PCDH15: variants seen among roughly 807,000 people sequenced by gnomAD.
The protein encoded by PCDH15 is protocadherin-15.
PCDH15 carries 129 observed loss-of-function variants against 178.5 expected under a neutral mutation model. That is an observed-to-expected ratio of 0.72 (90% CI 0.63 to 0.84). PCDH15 has a LOEUF of 0.84. Ranked by LOEUF, PCDH15 falls within the 40% of genes least tolerant of loss-of-function variation. PCDH15 has a pLI of 0.00. For synonymous variants in PCDH15, 800 were observed against 732.0 expected (o/e 1.09, Z -1.50); for missense variants, 2,230 against 2,099.9 (o/e 1.06, Z -1.21).
At chr10:54,620,404 G>C (rs1317669402) in intron 2 of PCDH15, among the ~76,000 whole-genome samples, 2 of 151,912 alleles carry the variant, frequency 1.3e-5, no homozygotes, top group African/African-American at 4.8e-5. Flanking sequence ...AATATTTCTA[G>C]TCTTATAAAT....
chr10:54,279,459 A>C (rs997066), intron 8 of PCDH15, among the ~76,000 whole-genome samples: 1 of 151,398 alleles, frequency 6.6e-6, no homozygotes, highest in Non-Finnish European at 1.5e-5. Context: ...CTTCAAAAAA[A>C]TGTTCGCTGT....
At chr10:54,390,093 A>T (rs1478754195) in intron 3 of PCDH15, among the ~76,000 whole-genome samples, 1 of 152,212 alleles carries the variant, frequency 6.6e-6, no homozygotes, top group Non-Finnish European at 1.5e-5. Context: ...TAGCCAATCT[A>T]GCAGACTATT....
chr10:54,875,798 T>G (rs2131800237), intron 3 of PCDH15, among the ~76,000 whole-genome samples: 1 of 152,246 alleles, frequency 6.6e-6, no homozygotes, highest in South Asian at 2.1e-4. Flanking sequence ...TTCTTGCGGC[T>G]TAAAGAAAGA....
intron 2 of PCDH15, chr10:55,469,278 T>C (rs539609004): frequency 2.6e-5 from 4 of 152,224 alleles, no homozygotes; most frequent in South Asian, 4.1e-4. Flanking sequence ...TTTTGCCATA[T>C]TTAGGTATTA....
intron 28 of PCDH15, among the ~76,000 whole-genome samples, chr10:53,851,671 A>AATT (rs2078367010): frequency 9.6e-6 from 1 of 104,572 alleles, no homozygotes; most frequent in Middle Eastern, 6.9e-3. Flanking sequence ...TCCTCCTAGA[A>AATT]ATATATATAT....
intron 2 of PCDH15, among the ~76,000 whole-genome samples, chr10:55,144,101 G>A (rs1034165395): frequency 1.3e-5 from 2 of 151,892 alleles, no homozygotes; most frequent in Non-Finnish European, 2.9e-5. Context: ...GTCAGAAGAT[G>A]TTGCTATGTA....
At chr10:55,403,507 A>C (rs1750202556) in intron 2 of PCDH15, among the ~76,000 whole-genome samples, 1 of 151,792 alleles carries the variant, frequency 6.6e-6, no homozygotes, top group African/African-American at 2.4e-5. Context: ...AGTTTTGAGT[A>C]TATTTAATTT....
intron 2 of PCDH15, among the ~76,000 whole-genome samples, chr10:55,052,453 A>G (rs1409243406): frequency 7.0e-6 from 1 of 142,408 alleles, no homozygotes; most frequent in Non-Finnish European, 1.5e-5. Flanking sequence ...TAATCCCAGC[A>G]CTTTGGGAGG....
intron 3 of PCDH15, among the ~76,000 whole-genome samples, chr10:54,890,709 C>A (rs2131815588): frequency 6.6e-6 from 1 of 152,062 alleles, no homozygotes; most frequent in African/African-American, 2.4e-5. Flanking sequence ...TGTCTTTATC[C>A]ATCAAAAATA....
intron 8 of PCDH15, among the ~76,000 whole-genome samples, chr10:54,308,525 A>G (rs1160502891): frequency 1.3e-5 from 2 of 152,028 alleles, no homozygotes; most frequent in Non-Finnish European, 1.5e-5. Context: ...ATTATCTATA[A>G]TTGGTGCTAT....
intron 2 of PCDH15, among the ~76,000 whole-genome samples, chr10:55,041,464 C>T (rs1296406074): frequency 6.6e-6 from 1 of 152,028 alleles, no homozygotes; most frequent in Non-Finnish European, 1.5e-5. Flanking sequence ...GTGTTTAATA[C>T]CCTACTTCCA....
intron 26 of PCDH15, among the ~76,000 whole-genome samples, chr10:53,902,201 T>C (rs1241039716): frequency 1.3e-5 from 2 of 152,192 alleles, no homozygotes; most frequent in Admixed American, 1.3e-4. Context: ...GGACTACTTT[T>C]AGTTAAACTG....
intron 3 of PCDH15, among the ~76,000 whole-genome samples, chr10:54,446,266 A>G (rs541936619): frequency 4.6e-5 from 7 of 151,772 alleles, no homozygotes; most frequent in Middle Eastern, 6.8e-3. Flanking sequence ...ACTATTTGCT[A>G]TATGTTAATA....
chr10:54,646,845 T>C (rs1306539177), intron 2 of PCDH15, among the ~76,000 whole-genome samples: 1 of 151,952 alleles, frequency 6.6e-6, no homozygotes, highest in African/African-American at 2.4e-5. Flanking sequence ...AAAAGACAAG[T>C]GTTGGCAAGG....
chr10:54,347,571 G>T (rs1484279484), intron 5 of PCDH15, among the ~76,000 whole-genome samples: 3 of 151,966 alleles, frequency 2.0e-5, no homozygotes, highest in Admixed American at 6.6e-5. Flanking sequence ...CAAAAAAGTT[G>T]CCTTATTCAG....
At chr10:55,101,936 T>G (rs1182591409) in intron 2 of PCDH15, among the ~76,000 whole-genome samples, 1 of 151,762 alleles carries the variant, frequency 6.6e-6, no homozygotes, top group Non-Finnish European at 1.5e-5. Flanking sequence ...TAGGATATAA[T>G]GTTTTATAAA....
At chr10:55,471,094 T>C (rs1160511499) in intron 2 of PCDH15, among the ~76,000 whole-genome samples, 3 of 152,200 alleles carry the variant, frequency 2.0e-5, no homozygotes, top group Non-Finnish European at 1.5e-5. Context: ...TTCCAAGTTT[T>C]GGTAGTTATG....
intron 8 of PCDH15, among the ~76,000 whole-genome samples, chr10:54,291,041 C>T (rs998582285): frequency 5.3e-5 from 8 of 150,698 alleles, no homozygotes; most frequent in Admixed American, 6.6e-5. Context: ...CATTTGAACT[C>T]GCACTTATAA....
intron 1 of PCDH15, among the ~76,000 whole-genome samples, chr10:54,693,559 ACTAT>A (rs2095167736): frequency 6.6e-6 from 1 of 152,160 alleles, no homozygotes; most frequent in Non-Finnish European, 1.5e-5. Flanking sequence ...TAAGTTGCTG[ACTAT>A]CTAACTTGGT....
Sources: gnomAD v4.1 joint callset for allele counts (sites outside exome capture counted in the v4.1 genomes callset) on GRCh38, gnomAD v4.1.1 for gene constraint, MANE v1.5 for transcripts, NCBI Gene and HGNC (gene_info 2026-07-23, HGNC 2026-07-21) for gene names.